ZNF248: variants seen among roughly 807,000 people sequenced by gnomAD.
The protein encoded by ZNF248 is KRAB protein domain.
A neutral mutation model predicts 44.3 loss-of-function variants in ZNF248; 20 were observed. The observed-to-expected ratio is 0.45, with a 90% CI of 0.32 to 0.66. ZNF248 has a LOEUF of 0.66. ZNF248 is among the 30% of genes least tolerant of loss of function. The pLI is 0.04. For missense variants in ZNF248, 654 were observed against 677.0 expected (o/e 0.97, Z 0.38); for synonymous variants, 224 against 229.0 (o/e 0.98, Z 0.20).
intron 3 of ZNF248, among the ~76,000 whole-genome samples, chr10:37,847,255 C>A (rs1343513122): frequency 6.6e-6 from 1 of 151,946 alleles, no homozygotes; most frequent in African/African-American, 2.4e-5. Context: ...CCTCTGTCAC[C>A]CAGGCTGGAG....
chr10:37,854,902 G>GTA (rs2061004738), intron 3 of ZNF248, among the ~76,000 whole-genome samples: 1 of 152,196 alleles, frequency 6.6e-6, no homozygotes, highest in African/African-American at 2.4e-5. Flanking sequence ...AAAATAGTGT[G>GTA]TAAGTCAACC....
chr10:37,770,868 C>T, the ZNF248 span, among the ~76,000 whole-genome samples: 4 of 152,158 alleles, frequency 2.6e-5, no homozygotes, highest in East Asian at 7.7e-4. Flanking sequence ...TTTCAACCTA[C>T]TCATCTGACA....
the ZNF248 span, among the ~76,000 whole-genome samples, chr10:37,771,281 C>G: frequency 3.3e-5 from 5 of 152,094 alleles, no homozygotes; most frequent in Non-Finnish European, 7.4e-5. Flanking sequence ...GGTGTATACC[C>G]AAAGGACTAT....
downstream of ZNF248, among the ~76,000 whole-genome samples, chr10:37,824,914 T>C (rs2054132350): frequency 6.7e-6 from 1 of 149,408 alleles, no homozygotes; most frequent in South Asian, 2.1e-4. Flanking sequence ...GGTCTCGATC[T>C]CCTGACCTCG....
downstream of ZNF248, among the ~76,000 whole-genome samples, chr10:37,825,162 G>T (rs1404875946): frequency 6.6e-6 from 1 of 152,040 alleles, no homozygotes; most frequent in Non-Finnish European, 1.5e-5. Context: ...TATATACTTA[G>T]ATTTGTAAGA....
At chr10:37,820,948 C>T (rs1316662390) in intron 6 of ZNF248, 6 of 1,595,094 alleles carry the variant, frequency 3.8e-6, no homozygotes, top group East Asian at 2.2e-5. Flanking sequence ...TAATTCCTGC[C>T]GTCGTGGGTC....
chr10:37,807,357 T>A (rs185614185), intron 6 of ZNF248, among the ~76,000 whole-genome samples: 2 of 152,240 alleles, frequency 1.3e-5, no homozygotes, highest in African/African-American at 4.8e-5. Context: ...AAGCAAGGGG[T>A]GCGAGACCTC....
At chr10:37,824,809 G>C (rs2054108695), downstream of ZNF248, among the ~76,000 whole-genome samples, 1 of 142,836 alleles carries the variant, frequency 7.0e-6, no homozygotes, top group African/African-American at 2.6e-5. Context: ...AGCCTCCTGA[G>C]TAGCTGGGAC....
chr10:37,842,656 C>T (rs1179508607), intron 3 of ZNF248, among the ~76,000 whole-genome samples: 1 of 152,114 alleles, frequency 6.6e-6, no homozygotes, highest in African/African-American at 2.4e-5. Context: ...ACTCAGAACT[C>T]ATTTAGGATA....
At chr10:37,839,943 T>A (rs543389214) in intron 3 of ZNF248, among the ~76,000 whole-genome samples, 1 of 152,156 alleles carries the variant, frequency 6.6e-6, no homozygotes, top group Non-Finnish European at 1.5e-5. Context: ...AAAACACACC[T>A]TAACGAACTT....
chr10:37,761,921 T>C, the ZNF248 span, among the ~76,000 whole-genome samples: 11 of 152,202 alleles, frequency 7.2e-5, no homozygotes, highest in Non-Finnish European at 1.3e-4. Flanking sequence ...TGCTTCCCAG[T>C]TTTGTGTTCT....
chr10:37,813,386 T>A (rs2051874908), intron 6 of ZNF248, among the ~76,000 whole-genome samples: 1 of 152,174 alleles, frequency 6.6e-6, no homozygotes, highest in African/African-American at 2.4e-5. Flanking sequence ...ACAGAAATTA[T>A]GATGTAGTTC....
At chr10:37,767,532 T>A in the ZNF248 span, among the ~76,000 whole-genome samples, 2 of 152,124 alleles carry the variant, frequency 1.3e-5, no homozygotes, top group Non-Finnish European at 2.9e-5. Flanking sequence ...CTAAGCTTCA[T>A]AAGTGAAGGA....
intron 6 of ZNF248, among the ~76,000 whole-genome samples, chr10:37,786,399 G>T (rs1267103104): frequency 2.0e-5 from 3 of 152,128 alleles, no homozygotes; most frequent in African/African-American, 7.2e-5. Flanking sequence ...CAGCAGGGAA[G>T]TAATGTGGAA....
At chr10:37,821,483 A>G (rs1185418902) in intron 6 of ZNF248, among the ~76,000 whole-genome samples, 1 of 152,176 alleles carries the variant, frequency 6.6e-6, no homozygotes, top group African/African-American at 2.4e-5. Context: ...AGCTCTTACT[A>G]GACGGCCTTT....
intron 6 of ZNF248, chr10:37,819,911 C>A: frequency 1.3e-6 from 1 of 773,742 alleles, no homozygotes; most frequent in Non-Finnish European, 2.4e-6. Context: ...GCATAACCAT[C>A]TGCCCATTGT....
downstream of ZNF248, among the ~76,000 whole-genome samples, chr10:37,826,133 C>T (rs1245749534): frequency 2.0e-5 from 3 of 152,000 alleles, no homozygotes; most frequent in Admixed American, 6.5e-5. Flanking sequence ...CTGGTAATCG[C>T]GTATTGTAAA....
At chr10:37,781,476 T>C (rs1446940003) in intron 6 of ZNF248, among the ~76,000 whole-genome samples, 5 of 152,170 alleles carry the variant, frequency 3.3e-5, no homozygotes, top group African/African-American at 9.7e-5. Flanking sequence ...ACTCTGCCCA[T>C]TGGTTGGAGT....
chr10:37,793,788 T>A (rs2048831189), intron 6 of ZNF248, among the ~76,000 whole-genome samples: 2 of 152,186 alleles, frequency 1.3e-5, no homozygotes, highest in Non-Finnish European at 1.5e-5. Context: ...CGTGTATATA[T>A]GCGTGTACAC....
Sources: gnomAD v4.1 joint callset for allele counts (sites outside exome capture counted in the v4.1 genomes callset) on GRCh38, gnomAD v4.1.1 for gene constraint, MANE v1.5 for transcripts, NCBI Gene and HGNC (gene_info 2026-07-23, HGNC 2026-07-21) for gene names.